USH2A: variants seen among roughly 807,000 people sequenced by gnomAD.
USH2A encodes the protein usherin, also known as Usher syndrome 2A (autosomal recessive, mild).
Under a neutral mutation model 538.9 loss-of-function variants are expected in USH2A, and 443 were observed. The observed-to-expected ratio is 0.82, with a 90% CI of 0.76 to 0.89. The LOEUF (loss-of-function observed/expected upper bound fraction) is 0.89, where lower values mean the gene tolerates loss of function less well. Among genes scored for constraint, USH2A ranks in the 40% least tolerant of loss-of-function variants. The pLI is 0.00. For missense variants in USH2A, 6,633 were observed against 6,324.8 expected (o/e 1.05, Z -1.65); for synonymous variants, 2,413 against 2,273.5 (o/e 1.06, Z -1.75).
At chr1:215,792,272 GA>G (rs34274768) in intron 50 of USH2A, among the ~76,000 whole-genome samples, 8 of 151,804 alleles carry the variant, frequency 5.3e-5, no homozygotes, top group Non-Finnish European at 8.8e-5. Context: ...TTTTAAACTA[GA>G]AAAAAAAGAT....
At chr1:215,701,172 A>G (rs1285110057) in intron 61 of USH2A, among the ~76,000 whole-genome samples, 1 of 152,002 alleles carries the variant, frequency 6.6e-6, no homozygotes, top group Non-Finnish European at 1.5e-5. Context: ...GTTCTGAGAG[A>G]CTGTTATGAT....
At chr1:216,121,000 T>A (rs991707840) in intron 21 of USH2A, among the ~76,000 whole-genome samples, 1 of 152,156 alleles carries the variant, frequency 6.6e-6, no homozygotes, top group African/African-American at 2.4e-5. Flanking sequence ...TAGTTTTGTT[T>A]AAAAAAATGA....
chr1:216,128,455 A>G (rs2033302345), intron 21 of USH2A, among the ~76,000 whole-genome samples: 2 of 152,216 alleles, frequency 1.3e-5, no homozygotes, highest in East Asian at 1.9e-4. Context: ...CTTTCAAATT[A>G]TAATGCCTTT....
chr1:216,315,156 C>T (rs992619269), intron 9 of USH2A, among the ~76,000 whole-genome samples: 20 of 152,048 alleles, frequency 1.3e-4, no homozygotes, highest in Non-Finnish European at 1.9e-4. Flanking sequence ...TGTTAGTTGA[C>T]AGATAAACCC....
intron 60 of USH2A, among the ~76,000 whole-genome samples, chr1:215,735,648 T>C (rs1217534117): frequency 6.6e-6 from 1 of 152,174 alleles, no homozygotes; most frequent in African/African-American, 2.4e-5. Context: ...TATTTGGAGA[T>C]AAGCACTGCT....
At chr1:215,771,302 C>T (rs895002713) in intron 55 of USH2A, among the ~76,000 whole-genome samples, 2 of 151,604 alleles carry the variant, frequency 1.3e-5, no homozygotes, top group African/African-American at 4.8e-5. Context: ...AAAATTCGGC[C>T]GGGCGCAGTG....
intron 38 of USH2A, among the ~76,000 whole-genome samples, chr1:215,930,530 C>T (rs1346253850): frequency 6.6e-6 from 1 of 152,030 alleles, no homozygotes; most frequent in African/African-American, 2.4e-5. Flanking sequence ...CTCCTCTAAG[C>T]TCATTTGTTC....
At chr1:215,783,738 T>C (rs1186494407) in intron 52 of USH2A, among the ~76,000 whole-genome samples, 2 of 152,342 alleles carry the variant, frequency 1.3e-5, no homozygotes, top group African/African-American at 4.8e-5. Flanking sequence ...TCTAATTTGA[T>C]GAATTTTAAG....
chr1:216,303,099 T>C (rs2037244484), intron 9 of USH2A, among the ~76,000 whole-genome samples: 1 of 152,006 alleles, frequency 6.6e-6, no homozygotes, highest in Non-Finnish European at 1.5e-5. Flanking sequence ...CTTCTTCCTC[T>C]TATTTATGGA....
At position 216,199,684 on chromosome 1, in the gene USH2A, G is replaced by T. The variant is rs191540138; in HGVS notation, c.3754C>A (p.Gln1252Lys). 1.9e-6 allele frequency: 3 copies of T among 1,614,062 alleles called. No homozygotes were observed. Among genetic ancestry groups the T allele is most frequent in the Non-Finnish European group, 2.5e-6 (3 of 1,179,992 alleles). ...PPQRLSPPKMQKISSTELHVE... is the reference protein window; with the variant it reads ...PPQRLSPPKMKKISSTELHVE... ...TGAAGTTCTGTAGAACTGATTTTCT[G>T]CATCTTAGGTGGACTTAGTCTTTGG... is the stretch of plus-strand genomic sequence containing the variant. The change falls in exon 17 of 72, where the codon CAG becomes AAG. Residue 1252 changes from glutamine (Q) to lysine (K), a missense_variant. By Grantham distance (53) the Gln-to-Lys change is moderately conservative. Transcript: ENST00000307340.
chr1:216,251,194 CTAAATGTTCAACAGACAA>C, intron 11 of USH2A, 96 bp from the exon 12 acceptor site: 2 of 1,249,982 alleles, frequency 1.6e-6, no homozygotes, highest in Non-Finnish European at 2.3e-6. Context: ...GAGAAGAAAA[CTAAATGTTCAACAGACAA>C]GAAGGTAATA....
intron 38 of USH2A, among the ~76,000 whole-genome samples, chr1:215,930,529 G>A (rs1666337486): frequency 6.6e-6 from 1 of 151,972 alleles, no homozygotes; most frequent in African/African-American, 2.4e-5. Context: ...CCTCCTCTAA[G>A]CTCATTTGTT....
rs200038092 is a variant in USH2A at position 215,965,369 on chromosome 1, A to C, written c.7068T>G (p.Asn2356Lys). 504 of 1,613,936 alleles carry C rather than the reference A, an allele frequency of 3.1e-4. 4 individuals carry two copies. In the East Asian group the frequency reaches 0.01, roughly 33 times the overall value. Reference protein sequence around the residue: ...HVRWEAPFRPNGLLTHSVLFT... With the variant: ...HVRWEAPFRPKGLLTHSVLFT... The stretch of plus-strand genomic sequence containing the variant: ...AAAGGACTGAGTGTGTTAAGAGTCC[A>C]TTAGGGCGAAAAGGTGCTTCCCACC... Residue 2356 changes from asparagine to lysine, a missense_variant, in exon 37 of 72, where the codon AAT (asparagine) becomes AAG (lysine). Coordinates refer to ENST00000307340, the MANE Select transcript of USH2A (RefSeq NM_206933.4).
At position 216,037,957 on chromosome 1, in the gene USH2A, T is replaced by C. The variant is rs961712388; in HGVS notation, c.6325+8474A>G. Among the ~76,000 whole-genome samples the C allele has an allele frequency of 7.9e-5, 12 of 152,156 alleles. 1 individual carries two copies. The highest frequency in any genetic ancestry group is 1.5e-4 in the Non-Finnish European group (10 of 67,948). ...TGTGGTATTTGGTTTTCCGTTCCTA[T>C]GTTAGCTTGCTAAGTTTAATGTCCT... On this transcript the variant is annotated intron_variant, in intron 32 of 71. Transcript: ENST00000307340.
chr1:215,835,577 AC>A (rs1452589697), intron 47 of USH2A, among the ~76,000 whole-genome samples: 2 of 152,012 alleles, frequency 1.3e-5, no homozygotes, highest in African/African-American at 4.8e-5. Flanking sequence ...AGAGAAATAG[AC>A]CCCTGGATGC....
chr1:215,778,429 C>T (rs915111759), intron 55 of USH2A, among the ~76,000 whole-genome samples: 8 of 152,162 alleles, frequency 5.3e-5, no homozygotes, highest in Non-Finnish European at 8.8e-5. Context: ...TTGTATTAAG[C>T]ACCTTCTGCA....
rs185424987 is a variant in USH2A, at chr1:216,182,213, T to A, written c.4397-6731A>T. Among the ~76,000 whole-genome samples the A allele has an allele frequency of 1.7e-3, 264 of 152,220 alleles. 1 individual carries two copies. The highest frequency in any genetic ancestry group is 5.9e-3 in the African/African-American group (246 of 41,554). On this transcript the variant is annotated intron_variant, in intron 20 of 71. Coordinates refer to ENST00000307340, the MANE Select transcript of USH2A (RefSeq NM_206933.4). The stretch of plus-strand genomic sequence containing the variant: ...ACCTATAGCAACTTTGTTCAGATGA[T>A]TTTTTGCCTATTTAATTTCTTTCCT...
chr1:215,730,906 T>C (rs544341971), intron 60 of USH2A, among the ~76,000 whole-genome samples: 10 of 152,292 alleles, frequency 6.6e-5, no homozygotes, highest in South Asian at 2.1e-4. Context: ...AGGTGTGTCA[T>C]TGGGAGAGAT....
At chr1:215,645,025 AC>A (rs1417835324) in intron 67 of USH2A, among the ~76,000 whole-genome samples, 1 of 152,126 alleles carries the variant, frequency 6.6e-6, no homozygotes, top group Non-Finnish European at 1.5e-5. Context: ...CGGAAGAAGG[AC>A]CACCCTTTCC....
Sources: gnomAD v4.1 joint callset for allele counts (sites outside exome capture counted in the v4.1 genomes callset) on GRCh38, gnomAD v4.1.1 for gene constraint, MANE v1.5 for transcripts, NCBI Gene and HGNC (gene_info 2026-07-23, HGNC 2026-07-21) for gene names.